Variants in PUM3 observed in about 807,000 individuals in gnomAD.
PUM3 encodes pumilio RNA binding family member 3.
In PUM3, 91 loss-of-function variants were observed where a neutral mutation model predicts 84.0. That is an observed-to-expected ratio of 1.08 (90% CI 0.91 to 1.29). The LOEUF (loss-of-function observed/expected upper bound fraction) is 1.29, where lower values mean the gene tolerates loss of function less well. Among genes scored for constraint, PUM3 ranks in the 50% most tolerant of loss-of-function variants. The probability of loss-of-function intolerance (pLI) is 0.00; values close to 1 mark genes in which losing one functional copy is unlikely to be tolerated. For synonymous variants in PUM3, 321 were observed against 266.7 expected (o/e 1.20, Z -1.98); for missense variants, 1,067 against 767.5 (o/e 1.39, Z -4.61).
At position 2,820,090 on chromosome 9, in the gene PUM3, G is replaced by A; in HGVS notation, c.1197C>T (p.Tyr399=). Residue 399 remains tyrosine, a synonymous_variant, in exon 13 of 18, where the codon TAC becomes TAT. Transcript: ENST00000397885. ...TYVEKVANGQ[Y]SHLVLLAAFD... The stretch of plus-strand genomic sequence containing the variant: ...ATGCCGCCAGTAAAACCAAATGGGA[G>A]TATTGGCCCTGCAAGAATTGGAAGC... 2 of 1,605,354 alleles carry A rather than the reference G, an allele frequency of 1.2e-6. No individual in the cohort carries two copies. The highest frequency in any genetic ancestry group is 2.2e-5 in the South Asian group (2 of 90,838).
rs1314478008 is a variant in PUM3, at chr9:2,807,795, G to A, written c.1814+19C>T. The A allele has an allele frequency of 2.0e-6, 3 of 1,524,968 alleles. No homozygotes were observed. The highest frequency in any genetic ancestry group is 2.3e-5 in the East Asian group (1 of 44,386). 94.5% of individuals were successfully genotyped at this position (1,524,968 alleles called of 1,614,324 possible). A position where few individuals can be genotyped will look rare whatever the true frequency, so the allele number is the denominator to read the frequency against. ...GCATGACCAGGCCCTGCTCAGAGAAGGGCACATGTTATACATACCTAGAAA... is the reference window on the plus strand; with the variant it reads ...GCATGACCAGGCCCTGCTCAGAGAAAGGCACATGTTATACATACCTAGAAA... On this transcript the variant is annotated intron_variant, in intron 17 of 17. Coordinates refer to ENST00000397885, the MANE Select transcript of PUM3 (RefSeq NM_014878.5).
At chr9:2,813,841 A>G (rs967946822) in intron 13 of PUM3, among the ~76,000 whole-genome samples, 14 of 152,276 alleles carry the variant, frequency 9.2e-5, no homozygotes, top group Admixed American at 1.3e-4. Context: ...CATGCTTCTG[A>G]TAACAGTAGC....
intron 9 of PUM3, among the ~76,000 whole-genome samples, chr9:2,827,720 C>A (rs1007978788): frequency 6.6e-6 from 1 of 152,186 alleles, no homozygotes; most frequent in Non-Finnish European, 1.5e-5. Flanking sequence ...ACAGGTGATA[C>A]CCAAGTAGAC....
At chr9:2,824,625 G>C (rs569275984) in intron 11 of PUM3, 92 bp downstream of exon 11, 1 of 750,784 alleles carries the variant, frequency 1.3e-6, no homozygotes, top group African/African-American at 1.8e-5. Context: ...GACCAAAGGG[G>C]GTTAAAAGTC....
At chr9:2,834,283 A>C (rs1453850629) in intron 3 of PUM3, 117 bp from the exon 4 acceptor site, 11 of 835,168 alleles carry the variant, frequency 1.3e-5, no homozygotes, top group Non-Finnish European at 1.8e-5. Context: ...CTGGAAGCTA[A>C]AAAGGGGAAC....
At chr9:2,833,569 A>G in intron 4 of PUM3, 137 bp from the exon 5 acceptor site, 1 of 502,148 alleles carries the variant, frequency 2.0e-6, no homozygotes, top group Non-Finnish European at 3.4e-6. Context: ...CTCTGCCATT[A>G]AAATTACTAT....
chr9:2,834,890 T>C (rs182967547), intron 3 of PUM3, among the ~76,000 whole-genome samples: 1 of 151,958 alleles, frequency 6.6e-6, no homozygotes, highest in Non-Finnish European at 1.5e-5. Context: ...GAACTAATGA[T>C]GCCAAACAAA....
At chr9:2,807,266 T>C (rs191410196) in intron 17 of PUM3, among the ~76,000 whole-genome samples, 40 of 151,170 alleles carry the variant, frequency 2.6e-4, no homozygotes, top group African/African-American at 8.7e-4. Flanking sequence ...ACCTGATACC[T>C]TGTGAATGTT....
At chr9:2,820,553 T>C (rs753251051) in intron 12 of PUM3, among the ~76,000 whole-genome samples, 2 of 152,010 alleles carry the variant, frequency 1.3e-5, no homozygotes, top group Non-Finnish European at 2.9e-5. Context: ...ACACACACGA[T>C]ATACATAATA....
chr9:2,818,972 T>C lies in PUM3; in HGVS notation c.1269+1046A>G, dbSNP rs138647956. Reference sequence around the variant, plus strand: ...GGTAAATTCTCTTTTTGAATCATCATATTCTTCTTTCTTGCAGATGTGAAA... The same window carrying C: ...GGTAAATTCTCTTTTTGAATCATCACATTCTTCTTTCTTGCAGATGTGAAA... On this transcript the variant is annotated intron_variant, in intron 13 of 17. Coordinates refer to ENST00000397885, the MANE Select transcript of PUM3 (RefSeq NM_014878.5). 2.1e-3 allele frequency among the ~76,000 whole-genome samples: 317 copies of C among 152,338 alleles called. 1 individual carries two copies. The highest frequency in any genetic ancestry group is 6.7e-3 in the African/African-American group (280 of 41,570).
intron 10 of PUM3, 134 bp downstream of exon 10, chr9:2,826,939 G>T: frequency 1.5e-6 from 1 of 675,282 alleles, no homozygotes; most frequent in South Asian, 1.9e-5. Flanking sequence ...AAAGGGAGTT[G>T]AGTAAATTAT....
chr9:2,825,749 G>C (rs545457069), intron 10 of PUM3, among the ~76,000 whole-genome samples: 5 of 152,016 alleles, frequency 3.3e-5, no homozygotes, highest in African/African-American at 1.2e-4. Flanking sequence ...CAAAGTGCTG[G>C]GATTACAGGT....
Position 2,828,632 on chromosome 9 carries a change from T to G in PUM3, c.956+43A>C, listed in dbSNP as rs771447261. On this transcript the variant is annotated intron_variant, in intron 9 of 17. Transcript: ENST00000397885. ...ACAGTTATGGAAAACCTTCCTCCTT[T>G]GAATGTCATTTCTTAAGAACAAAAC... is the stretch of plus-strand genomic sequence containing the variant. The G allele has an allele frequency of 3.3e-5, 39 of 1,188,264 alleles. No homozygotes were observed. In the Admixed American group the frequency reaches 6.8e-4, roughly 21 times the overall value. 73.6% of individuals were successfully genotyped at this position (1,188,264 alleles called of 1,614,324 possible).
chr9:2,843,739 C>G (rs1292682151), intron 1 of PUM3, among the ~76,000 whole-genome samples: 3 of 151,966 alleles, frequency 2.0e-5, no homozygotes, highest in Non-Finnish European at 4.4e-5. Flanking sequence ...CCACCATGCC[C>G]GGCTAATTTT....
At chr9:2,819,026 C>T (rs1466421067) in intron 13 of PUM3, among the ~76,000 whole-genome samples, 1 of 152,170 alleles carries the variant, frequency 6.6e-6, no homozygotes, top group African/African-American at 2.4e-5. Context: ...AAGATTTCTC[C>T]AAGGGTCCCA....
rs1355844112 is a variant in PUM3 at position 2,844,069 on chromosome 9, C to G, written c.-35G>C. The G allele has an allele frequency of 6.3e-6, 1 of 158,884 alleles. No individual in the cohort carries two copies. The highest frequency in any genetic ancestry group is 1.5e-5 in the Non-Finnish European group (1 of 68,180). 9.8% of individuals were successfully genotyped at this position (158,884 alleles called of 1,614,324 possible). A position where few individuals can be genotyped will look rare whatever the true frequency, so the allele number is the denominator to read the frequency against. ...CCGCACACGTGGGACCGAGACAGCTCGCGCAGCGGATCCCGACCGCCTCTC... is the reference window on the plus strand; with the variant it reads ...CCGCACACGTGGGACCGAGACAGCTGGCGCAGCGGATCCCGACCGCCTCTC... On this transcript the variant is annotated 5_prime_UTR_variant, in exon 1 of 18. Transcript: ENST00000397885.
rs574516660 is a variant in PUM3 at position 2,814,542 on chromosome 9, G to A, written c.1270-2180C>T. On this transcript the variant is annotated intron_variant, in intron 13 of 17. Transcript: ENST00000397885. Reference sequence around the variant, plus strand: ...TGTGTTGCTGATAATGAAGTGTTTAGTGCCCCAAATATGGCATACCTTGAG... The same window carrying A: ...TGTGTTGCTGATAATGAAGTGTTTAATGCCCCAAATATGGCATACCTTGAG... Among the ~76,000 whole-genome samples, 4 of 152,198 alleles carry A rather than the reference G, an allele frequency of 2.6e-5. No homozygotes were observed. The South Asian group carries it at 8.3e-4, about 32-fold the overall frequency.
chr9:2,820,791 A>G (rs750606616), intron 12 of PUM3, among the ~76,000 whole-genome samples: 2 of 152,240 alleles, frequency 1.3e-5, no homozygotes, highest in African/African-American at 4.8e-5. Context: ...GATCACAGAA[A>G]TACACATGTG....
intron 1 of PUM3, among the ~76,000 whole-genome samples, chr9:2,840,503 T>G (rs1432601988): frequency 1.3e-5 from 2 of 152,252 alleles, no homozygotes; most frequent in Non-Finnish European, 2.9e-5. Flanking sequence ...TGCATTTAAA[T>G]GGTGATCTTC....
Sources: allele counts gnomAD v4.1 joint callset (sites outside exome capture counted in the v4.1 genomes callset), GRCh38; gene constraint gnomAD v4.1.1; transcripts MANE v1.5; gene names NCBI Gene and HGNC (gene_info 2026-07-23, HGNC 2026-07-21).